FAM186A: variants seen among roughly 807,000 people sequenced by gnomAD.
FAM186A encodes protein FAM186A.
FAM186A carries 163 observed loss-of-function variants against 216.8 expected under a neutral mutation model. The ratio of observed to expected loss-of-function variants is 0.75; its 90% CI spans 0.66 to 0.86. FAM186A has a LOEUF of 0.86. Among genes scored for constraint, FAM186A ranks in the 40% least tolerant of loss-of-function variants. The probability of loss-of-function intolerance (pLI) is 0.00; values close to 1 mark genes in which losing one functional copy is unlikely to be tolerated. For synonymous variants in FAM186A, 805 were observed against 1,025.3 expected (o/e 0.79, Z 4.10); for missense variants, 2,184 against 2,746.2 (o/e 0.80, Z 4.58).
At position 50,334,188 on chromosome 12, in the gene FAM186A, GAGAC is replaced by G. The variant is rs1942685210; in HGVS notation, c.6504-89_6504-86del. 3 of 1,103,772 alleles carry G rather than the reference GAGAC, an allele frequency of 2.7e-6. No homozygotes were observed. In the South Asian group the frequency reaches 5.2e-5, roughly 19 times the overall value. 68.4% of individuals were successfully genotyped at this position (1,103,772 alleles called of 1,614,324 possible). On this transcript the variant is annotated intron_variant, in intron 4 of 7. Coordinates refer to ENST00000327337, the MANE Select transcript of FAM186A (RefSeq NM_001145475.3). ...TGTCCTCAGTTTCTTTTTTTTTTTT[GAGAC>G]GGAGTTTCGATCTTGTTGCCCAGGC...
Position 50,351,224 on chromosome 12 carries a change from G to C in FAM186A, c.5608C>G (p.Pro1870Ala). Reference protein sequence around the residue: ...QPLVPEASSIPGDLLESGPLT... With the variant: ...QPLVPEASSIAGDLLESGPLT... ...GGTCCAGATTCCAGGAGGTCCCCAG[G>C]GATGGAAGAGGCTTCAGGAACTAAG... The change falls in exon 4 of 8, where the codon CCT (proline) becomes GCT (alanine). Residue 1870 changes from proline to alanine, a missense_variant. Physicochemically the swap from Pro to Ala is conservative, Grantham distance 27. Around this residue, in one of 7 missense-constraint regions of FAM186A, gnomAD observed 721 missense variants for 816.4 expected, o/e 0.88. Coordinates refer to ENST00000327337, the MANE Select transcript of FAM186A (RefSeq NM_001145475.3). The C allele has an allele frequency of 1.3e-6, 2 of 1,551,606 alleles. No individual in the cohort carries two copies. Among genetic ancestry groups the C allele is most frequent in the South Asian group, 2.4e-5 (2 of 84,058 alleles).
intron 4 of FAM186A, among the ~76,000 whole-genome samples, chr12:50,341,194 A>G (rs1942759525): frequency 6.6e-6 from 1 of 152,220 alleles, no homozygotes; most frequent in African/African-American, 2.4e-5. Flanking sequence ...TTAGCACTTA[A>G]ATGTAGAATT....
chr12:50,338,235 C>G (rs1459112586), intron 4 of FAM186A, among the ~76,000 whole-genome samples: 3 of 152,152 alleles, frequency 2.0e-5, no homozygotes, highest in African/African-American at 7.2e-5. Context: ...GAGTTTCGCT[C>G]TTGTTGCCCA....
In FAM186A at chr12:50,356,062, G is replaced by C. The variant is rs1565887643; in HGVS notation, c.770C>G (p.Ala257Gly). 5.2e-6 allele frequency: 8 copies of C among 1,551,568 alleles called. No homozygotes were observed. The highest frequency in any genetic ancestry group is 6.1e-6 in the Non-Finnish European group (7 of 1,146,932). ...TATTGTTGATGATATATATTTAATAGCATTGTTTTCCAATGTACTGAACAT... is the reference window on the plus strand; with the variant it reads ...TATTGTTGATGATATATATTTAATACCATTGTTTTCCAATGTACTGAACAT... ...TTMFSTLENN[A>G]IKYISSTIVN... is the part of the protein sequence containing the mutation. Residue 257 changes from alanine to glycine, a missense_variant, in exon 4 of 8, where the codon GCT becomes GGT. Transcript: ENST00000327337.
At chr12:50,383,264 AAAAAAAAAAAAAAAAG>A (rs1943269908) in intron 1 of FAM186A, among the ~76,000 whole-genome samples, 1 of 78,412 alleles carries the variant, frequency 1.3e-5, no homozygotes. Context: ...AAAAAAAAAA[AAAAAAAAAAAAAAAAG>A]AGAGAGAGAG....
chr12:50,351,850 A>G lies in FAM186A; in HGVS notation c.4982T>C (p.Val1661Ala). The G allele has an allele frequency of 3.9e-6, 6 of 1,544,036 alleles. No homozygotes were observed. The highest frequency in any genetic ancestry group is 5.2e-6 in the Non-Finnish European group (6 of 1,143,046). The change falls in exon 4 of 8, where the codon GTC (valine) becomes GCC (alanine). Residue 1661 changes from valine to alanine, a missense_variant. By Grantham distance (64) the Val-to-Ala change is moderately conservative (BLOSUM62 0). This residue lies in a region of FAM186A where 721 missense variants were observed against 816.4 expected (regional missense o/e 0.88). Coordinates refer to ENST00000327337, the MANE Select transcript of FAM186A (RefSeq NM_001145475.3). ...ITPVNAWVSA[V>A]TLTSEQTHAL... is the part of the protein sequence containing the mutation. ...GTGGGTTTGCTCAGAGGTAAGAGTGACAGCTGACACCCAGGCATTTACTGG... is the reference window on the plus strand; with the variant it reads ...GTGGGTTTGCTCAGAGGTAAGAGTGGCAGCTGACACCCAGGCATTTACTGG...
intron 1 of FAM186A, chr12:50,365,946 C>T: frequency 1.3e-6 from 1 of 763,958 alleles, no homozygotes; most frequent in Non-Finnish European, 2.4e-6. Context: ...CCATGTGGGC[C>T]CTCGCCCCAG....
At chr12:50,389,713 T>C (rs572387217) in intron 1 of FAM186A, among the ~76,000 whole-genome samples, 8 of 152,290 alleles carry the variant, frequency 5.3e-5, no homozygotes, top group East Asian at 1.9e-4. Context: ...TGTGTTAATT[T>C]GTTCAAGCAA....
At chr12:50,379,071 G>A (rs921258494) in intron 1 of FAM186A, among the ~76,000 whole-genome samples, 3 of 152,112 alleles carry the variant, frequency 2.0e-5, no homozygotes, top group Non-Finnish European at 2.9e-5. Flanking sequence ...TTGAGAGGCC[G>A]AGGCAGGCAG....
intron 1 of FAM186A, among the ~76,000 whole-genome samples, chr12:50,384,600 A>G (rs1312527264): frequency 2.0e-5 from 3 of 152,156 alleles, no homozygotes; most frequent in Non-Finnish European, 4.4e-5. Context: ...AAACAGATAC[A>G]TTAGACCAAT....
intron 1 of FAM186A, among the ~76,000 whole-genome samples, chr12:50,363,773 GA>G (rs1361421451): frequency 3.3e-5 from 1 of 30,366 alleles, no homozygotes; most frequent in East Asian, 3.4e-4. Context: ...AAAAAAAAAA[GA>G]AAGAAAGAAA....
Position 50,364,390 on chromosome 12 carries a change from TA to T in FAM186A, c.193-1027del, listed in dbSNP as rs892224260. On this transcript the variant is annotated intron_variant, in intron 1 of 7. Transcript: ENST00000327337. ...CAACACGGTGAAACCCTGTCTCTCC[TA>T]AAAAAAAATACAAAAAATTAGCTGG... is the stretch of plus-strand genomic sequence containing the variant. Among the ~76,000 whole-genome samples, 75 of 148,876 alleles carry T rather than the reference TA, an allele frequency of 5.0e-4. 1 individual carries two copies. Among genetic ancestry groups the T allele is most frequent in the Middle Eastern group, 6.9e-3 (2 of 288 alleles).
Position 50,350,725 on chromosome 12 carries a change from G to A in FAM186A, c.6107C>T (p.Ala2036Val), listed in dbSNP as rs1262526034. ...VYQTPYTDER[A>V]LLTLMKPTTS... Reference sequence around the variant, plus strand: ...TGTTGGCTTCATGAGAGTGAGAAGGGCCCTTTCATCAGTGTAAGGGGTTTG... The same window carrying A: ...TGTTGGCTTCATGAGAGTGAGAAGGACCCTTTCATCAGTGTAAGGGGTTTG... Residue 2036 changes from alanine to valine, a missense_variant, in exon 4 of 8, where the codon GCC (alanine) becomes GTC (valine). This residue lies in a region of FAM186A where 721 missense variants were observed against 816.4 expected (regional missense o/e 0.88). Transcript: ENST00000327337. 5 of 1,551,644 alleles carry A rather than the reference G, an allele frequency of 3.2e-6. No homozygotes were observed. In the Admixed American group the frequency reaches 9.8e-5, roughly 30 times the overall value.
chr12:50,377,761 G>C (rs1382113411), intron 1 of FAM186A, among the ~76,000 whole-genome samples: 1 of 151,558 alleles, frequency 6.6e-6, no homozygotes, highest in Non-Finnish European at 1.5e-5. Flanking sequence ...TGAACCCGGT[G>C]GGGGCAGAAG....
chr12:50,371,591 A>G (rs957713711), intron 1 of FAM186A, among the ~76,000 whole-genome samples: 58 of 152,276 alleles, frequency 3.8e-4, no homozygotes, highest in African/African-American at 1.4e-3. Flanking sequence ...TATCTAGAAT[A>G]GTTGAATTCA....
rs989254707 is a variant in FAM186A at position 50,371,962 on chromosome 12, G to A, written c.193-8598C>T. Among the ~76,000 whole-genome samples, 112 of 152,026 alleles carry A rather than the reference G, an allele frequency of 7.4e-4. 1 individual carries two copies. Among genetic ancestry groups the A allele is most frequent in the Admixed American group, 7.1e-3 (109 of 15,254 alleles). On this transcript the variant is annotated intron_variant, in intron 1 of 7. Transcript: ENST00000327337. ...CAAGTAGCTGGGATTACAGGCATGC[G>A]CCACAATACCCAGTTAATTTTGTAT...
At chr12:50,372,097 C>T (rs1459698956) in intron 1 of FAM186A, among the ~76,000 whole-genome samples, 1 of 151,906 alleles carries the variant, frequency 6.6e-6, no homozygotes, top group Non-Finnish European at 1.5e-5. Flanking sequence ...CAGGCGTGAG[C>T]CATCGTGGCT....
chr12:50,378,259 G>A (rs867124042), intron 1 of FAM186A, among the ~76,000 whole-genome samples: 4 of 151,742 alleles, frequency 2.6e-5, no homozygotes, highest in Non-Finnish European at 2.9e-5. Flanking sequence ...AGCCGAGCAC[G>A]GTGGCTCACG....
chr12:50,350,822 G>C lies in FAM186A; in HGVS notation c.6010C>G (p.Arg2004Gly), dbSNP rs566239340. ...SDTSEETQIL[R>G]DTFAIESFRT... ...AATGATTCTATAGCAAAAGTGTCTC[G>C]AAGTATCTGGGTTTCTTCGGAAGTG... Residue 2004 changes from arginine (R) to glycine (G), a missense_variant, in exon 4 of 8, where the codon CGA becomes GGA. Around this residue, in one of 7 missense-constraint regions of FAM186A, gnomAD observed 721 missense variants for 816.4 expected, o/e 0.88. Transcript: ENST00000327337. 9 of 1,551,648 alleles carry C rather than the reference G, an allele frequency of 5.8e-6. No individual in the cohort carries two copies. Among genetic ancestry groups the C allele is most frequent in the Non-Finnish European group, 7.8e-6 (9 of 1,146,996 alleles).
Sources: gnomAD v4.1 joint callset for allele counts (sites outside exome capture counted in the v4.1 genomes callset) on GRCh38, gnomAD v4.1.1 for gene constraint, gnomAD v4.1.1 regional missense constraint, MANE v1.5 for transcripts, NCBI Gene and HGNC (gene_info 2026-07-23, HGNC 2026-07-21) for gene names.